The following EDA variants were observed in gnomAD, a reference collection of about 807,000 sequenced individuals.
EDA encodes the protein ectodysplasin A.
In EDA, 2 loss-of-function variants were observed where a neutral mutation model predicts 23.6. The observed-to-expected ratio is 0.08, with a 90% CI of 0.03 to 0.27. The LOEUF (loss-of-function observed/expected upper bound fraction) is 0.27, where lower values mean the gene tolerates loss of function less well. Among genes scored for constraint, EDA ranks in the 10% least tolerant of loss-of-function variants. The pLI is 1.00. For missense variants in EDA, 229 were observed against 324.2 expected (o/e 0.71, Z 2.26); for synonymous variants, 131 against 132.0 (o/e 0.99, Z 0.05).
intron 1 of EDA, among the ~76,000 whole-genome samples, chrX:69,910,364 AGAGAGAGAGAGTGTGTGTGTGT>A (rs2018242077): frequency 2.5e-5 from 1 of 40,247 alleles, no homozygotes; most frequent in African/African-American, 7.5e-5. Flanking sequence ...AGAGAGAGAG[AGAGAGAGAGAGTGTGTGTGTGT>A]GTGTGTGTGT....
intron 1 of EDA, among the ~76,000 whole-genome samples, chrX:69,708,851 G>A (rs899804978): frequency 9.0e-6 from 1 of 111,281 alleles, no homozygotes; most frequent in Admixed American, 9.6e-5. Context: ...AAAGTGAGGG[G>A]TGGGAGTTGC....
chrX:69,655,706 T>C (rs1474420610), intron 1 of EDA, among the ~76,000 whole-genome samples: 2 of 97,919 alleles, frequency 2.0e-5, no homozygotes, highest in East Asian at 3.6e-4. Context: ...GTTGTATATG[T>C]GGTGGAGGGG....
At chrX:69,863,365 T>C in intron 1 of EDA, among the ~76,000 whole-genome samples, 1 of 108,612 alleles carries the variant, frequency 9.2e-6, no homozygotes, top group South Asian at 4.0e-4. Context: ...TTTTTTAACA[T>C]GAACATGTAG....
At chrX:69,912,769 C>CTTTT (rs750059116) in intron 1 of EDA, among the ~76,000 whole-genome samples, 11 of 79,190 alleles carry the variant, frequency 1.4e-4, no homozygotes, top group Non-Finnish European at 2.4e-4. Flanking sequence ...TTTTTCTTTT[C>CTTTT]TTTTTTTTTT....
chrX:69,929,419 A>G (rs2018565411), intron 1 of EDA, among the ~76,000 whole-genome samples: 1 of 111,261 alleles, frequency 9.0e-6, no homozygotes, highest in Non-Finnish European at 1.9e-5. Flanking sequence ...AGCTGGGATA[A>G]TCACAGAGTG....
At chrX:69,677,654 T>C (rs1359267919) in intron 1 of EDA, among the ~76,000 whole-genome samples, 8 of 112,468 alleles carry the variant, frequency 7.1e-5, no homozygotes, top group African/African-American at 9.7e-5. Context: ...TCATGTCCTT[T>C]GCCCACTTTT....
At chrX:69,658,897 G>A (rs920327874) in intron 1 of EDA, among the ~76,000 whole-genome samples, 4 of 111,126 alleles carry the variant, frequency 3.6e-5, no homozygotes, top group African/African-American at 1.3e-4. Flanking sequence ...TTCACTTACA[G>A]GAACATTGTA....
rs1932304272 is a variant in EDA at position 69,624,551 on chromosome X, TG to T, written c.396+7849del. On this transcript the variant is annotated intron_variant, in intron 1 of 7. Coordinates refer to ENST00000374552, the MANE Select transcript of EDA (RefSeq NM_001399.5). Reference sequence around the variant, plus strand: ...TCTAGAAAGGATTTATACTCACTTCTGGCACGTGGTTAGAGACACTAGCAAT... The same window carrying T: ...TCTAGAAAGGATTTATACTCACTTCTGCACGTGGTTAGAGACACTAGCAAT... 2.7e-5 allele frequency among the ~76,000 whole-genome samples: 3 copies of T among 111,627 alleles called. No individual in the cohort carries two copies. In the South Asian group the frequency reaches 1.1e-3, roughly 42 times the overall value.
intron 1 of EDA, among the ~76,000 whole-genome samples, chrX:69,754,382 G>A (rs1307939408): frequency 1.8e-5 from 2 of 111,857 alleles, no homozygotes; most frequent in African/African-American, 3.3e-5. Context: ...CAAGAATGTT[G>A]AATATTGGCC....
intron 1 of EDA, among the ~76,000 whole-genome samples, chrX:69,919,010 G>A (rs763158957): frequency 9.0e-6 from 1 of 110,929 alleles, no homozygotes; most frequent in South Asian, 3.8e-4. Flanking sequence ...AAACTCTTGG[G>A]TGCATTTATA....
intron 2 of EDA, among the ~76,000 whole-genome samples, chrX:70,011,330 C>T (rs184296273): frequency 2.1e-3 from 229 of 107,668 alleles, no homozygotes; most frequent in African/African-American, 7.3e-3. Context: ...TTTGCATTTT[C>T]GCTTTTTTTT....
chrX:70,033,379 G>T lies in EDA; in HGVS notation c.794-19G>T. 8.3e-7 allele frequency: 1 copy of T among 1,211,552 alleles called. No homozygotes were observed. Among genetic ancestry groups the T allele is most frequent in the South Asian group, 1.8e-5 (1 of 56,988 alleles). On this transcript the variant is annotated intron_variant, in intron 6 of 7. Coordinates refer to ENST00000374552, the MANE Select transcript of EDA (RefSeq NM_001399.5). ...TTATTCTGACATGTACTGAGTGACTGCCCTTCTCTCATACTGAGATCTTTC... is the reference window on the plus strand; with the variant it reads ...TTATTCTGACATGTACTGAGTGACTTCCCTTCTCTCATACTGAGATCTTTC...
chrX:69,637,150 C>G (rs1266801563), intron 1 of EDA, among the ~76,000 whole-genome samples: 1 of 111,546 alleles, frequency 9.0e-6, no homozygotes, highest in Non-Finnish European at 1.9e-5. Flanking sequence ...GGAAGAAATA[C>G]AAAAGTGCAA....
At chrX:69,894,102 G>A (rs2017972872) in intron 1 of EDA, among the ~76,000 whole-genome samples, 1 of 111,588 alleles carries the variant, frequency 9.0e-6, no homozygotes, top group Admixed American at 9.6e-5. Context: ...ATAAGAAAGG[G>A]GTCCAGTTTC....
intron 1 of EDA, among the ~76,000 whole-genome samples, chrX:69,684,864 A>G (rs748735221): frequency 8.9e-6 from 1 of 112,497 alleles, no homozygotes; most frequent in East Asian, 2.8e-4. Flanking sequence ...CTGGAATTTT[A>G]TTAGATGCTG....
At chrX:69,768,415 A>G (rs754476948) in intron 1 of EDA, among the ~76,000 whole-genome samples, 2 of 111,444 alleles carry the variant, frequency 1.8e-5, no homozygotes, top group South Asian at 3.8e-4. Flanking sequence ...TTTTTTGCAT[A>G]TGGATATCCA....
At chrX:69,929,706 TTGTGTGTGTGTG>T (rs4007701) in intron 1 of EDA, among the ~76,000 whole-genome samples, 31 of 84,341 alleles carry the variant, frequency 3.7e-4, no homozygotes, top group African/African-American at 7.2e-4. Context: ...CATTCTATTT[TTGTGTGTGTGTG>T]TGTGTGTGTG....
At chrX:69,835,614 TA>T (rs1028214811) in intron 1 of EDA, among the ~76,000 whole-genome samples, 10 of 111,434 alleles carry the variant, frequency 9.0e-5, no homozygotes, top group African/African-American at 3.3e-4. Context: ...GCCGTTTGTC[TA>T]ATCTTTTTTC....
intron 1 of EDA, among the ~76,000 whole-genome samples, chrX:69,719,536 A>T (rs763616067): frequency 3.6e-5 from 4 of 110,683 alleles, no homozygotes; most frequent in Non-Finnish European, 7.5e-5. Flanking sequence ...AATGTTCATT[A>T]TACCACTCTG....
Sources: allele counts gnomAD v4.1 joint callset (sites outside exome capture counted in the v4.1 genomes callset), GRCh38; gene constraint gnomAD v4.1.1; transcripts MANE v1.5; gene names NCBI Gene and HGNC (gene_info 2026-07-23, HGNC 2026-07-21).